The following LIPA variants were observed in gnomAD, a reference collection of about 807,000 sequenced individuals.
The protein encoded by LIPA is lipase A, lysosomal acid type.
LIPA carries 26 observed loss-of-function variants against 40.6 expected under a neutral mutation model. The ratio of observed to expected loss-of-function variants is 0.64; its 90% CI spans 0.47 to 0.89. LIPA has a LOEUF of 0.89. LIPA is among the 40% of genes least tolerant of loss of function. The pLI is 0.00. For missense variants in LIPA, 455 were observed against 479.6 expected, an observed-to-expected ratio of 0.95 and a Z score of 0.48; for synonymous variants, 188 against 168.4, an observed-to-expected ratio of 1.12 and a Z score of -0.90.
At chr10:89,296,349 C>G (rs1447817266) in intron 1 of LIPA, among the ~76,000 whole-genome samples, 1 of 151,846 alleles carries the variant, frequency 6.6e-6, no homozygotes, top group East Asian at 1.9e-4. Flanking sequence ...CAAAAATCAG[C>G]TGGGCCTGGT....
Position 89,228,218 on chromosome 10 carries a change from T to C in LIPA, c.410A>G (p.Asp137Gly). ...RKHKTLSVSQ[D>G]EFWAFSYDEM... ...TATATACCTGAAAGCCCAGAATTCA[T>C]CCTGAGAAACTGAGAGTGTCTTATG... The change falls in exon 4 of 10, where the codon GAT becomes GGT. Residue 137 changes from aspartate (D) to glycine (G), a missense_variant. Asp to Gly is a moderately conservative substitution (Grantham distance 94, BLOSUM62 -1). Transcript: ENST00000336233. 6.2e-7 allele frequency: 1 copy of C among 1,614,092 alleles called. No individual in the cohort carries two copies.
At chr10:89,412,612 C>T (rs1346501731) in intron 2 of LIPA, 1 of 201,594 alleles carries the variant, frequency 5.0e-6, no homozygotes, top group African/African-American at 2.4e-5. Context: ...TGGGTCCACA[C>T]TGCCTTTATG....
chr10:89,411,299 A>C (rs1841467597), intron 2 of LIPA, among the ~76,000 whole-genome samples: 5 of 151,964 alleles, frequency 3.3e-5, no homozygotes, highest in African/African-American at 4.8e-5. Context: ...GAAAAAAAAA[A>C]CACAATGGGT....
chr10:89,324,301 G>A (rs1843587845), intron 1 of LIPA, among the ~76,000 whole-genome samples: 1 of 152,174 alleles, frequency 6.6e-6, no homozygotes, highest in South Asian at 2.1e-4. Flanking sequence ...TCAATAAAGG[G>A]TGCTGGGATA....
intron 2 of LIPA, chr10:89,383,812 G>T: frequency 2.5e-6 from 4 of 1,614,220 alleles, no homozygotes; most frequent in Non-Finnish European, 3.4e-6. Context: ...CTTTGAAAAG[G>T]CTCTGGAAGG....
intron 1 of LIPA, chr10:89,307,845 A>C: frequency 6.3e-6 from 1 of 159,172 alleles, no homozygotes; most frequent in Non-Finnish European, 1.4e-5. Flanking sequence ...TGGCGGACCA[A>C]AGTCTAAATA....
intron 2 of LIPA, chr10:89,405,018 C>A (rs1169883072): frequency 6.6e-6 from 1 of 152,050 alleles, no homozygotes; most frequent in African/African-American, 2.4e-5. Context: ...TCAACACTAT[C>A]AATAAATAGC....
Position 89,403,054 on chromosome 10 carries a change from T to A in LIPA, c.61+9737A>T, listed in dbSNP as rs148306581. The A allele has an allele frequency of 2.9e-4, 466 of 1,614,074 alleles. 1 individual carries two copies. The highest frequency in any genetic ancestry group is 3.7e-4 in the Non-Finnish European group (436 of 1,180,042). On this transcript the variant is annotated intron_variant, in intron 2 of 8. Transcript: ENST00000371837. ...TATGTCTTTCGATATGCAGCCAAGT[T>A]TTACCGAAGAAAAGGCTCTGTGGAT...
chr10:89,305,895 G>A, intron 1 of LIPA: 1 of 1,108,302 alleles, frequency 9.0e-7, no homozygotes, highest in Non-Finnish European at 1.3e-6. Context: ...CATTTTATTT[G>A]CCATGCTCCC....
At chr10:89,339,323 A>G (rs1843808345) in intron 1 of LIPA, 1 of 1,613,666 alleles carries the variant, frequency 6.2e-7, no homozygotes, top group Non-Finnish European at 8.5e-7. Context: ...ATGAATAAAG[A>G]AGCTGAAGGA....
At chr10:89,360,990 C>G (rs937140169) in intron 2 of LIPA, among the ~76,000 whole-genome samples, 5 of 152,126 alleles carry the variant, frequency 3.3e-5, no homozygotes, top group African/African-American at 1.2e-4. Context: ...TTTATATCTT[C>G]CCTCCGTGTG....
intron 1 of LIPA, among the ~76,000 whole-genome samples, chr10:89,265,475 A>G (rs1843231239): frequency 6.6e-6 from 1 of 152,254 alleles, no homozygotes; most frequent in South Asian, 2.1e-4. Context: ...CCTTTTGTGG[A>G]AAATCATTTT....
intron 1 of LIPA, among the ~76,000 whole-genome samples, chr10:89,320,196 C>T (rs1214666116): frequency 1.3e-5 from 2 of 152,042 alleles, no homozygotes; most frequent in Non-Finnish European, 1.5e-5. Context: ...CTATTCAAAA[C>T]AGTGTTGGAA....
At chr10:89,270,666 G>A (rs574522191) in intron 1 of LIPA, among the ~76,000 whole-genome samples, 1 of 152,290 alleles carries the variant, frequency 6.6e-6, no homozygotes, top group Non-Finnish European at 1.5e-5. Flanking sequence ...TAACCATAAA[G>A]GCTGCCAGCT....
intron 1 of LIPA, among the ~76,000 whole-genome samples, chr10:89,333,244 T>A (rs1843677018): frequency 6.6e-6 from 1 of 152,176 alleles, no homozygotes; most frequent in Non-Finnish European, 1.5e-5. Context: ...CAAACTGTGT[T>A]CTGCGAGTGG....
At chr10:89,329,109 C>T (rs1843625555) in intron 1 of LIPA, among the ~76,000 whole-genome samples, 1 of 152,144 alleles carries the variant, frequency 6.6e-6, no homozygotes, top group Non-Finnish European at 1.5e-5. Context: ...TCCCACCAAG[C>T]ATCTCTAGGA....
At chr10:89,231,348 C>T (rs560427961) in intron 3 of LIPA, among the ~76,000 whole-genome samples, 119 of 152,166 alleles carry the variant, frequency 7.8e-4, no homozygotes, top group Non-Finnish European at 1.2e-3. Flanking sequence ...TAGACTACTC[C>T]GGAAGGCACT....
chr10:89,391,398 T>G (rs1398880762), intron 2 of LIPA, among the ~76,000 whole-genome samples: 3 of 149,890 alleles, frequency 2.0e-5, no homozygotes, highest in Non-Finnish European at 3.0e-5. Flanking sequence ...AGTTTTTTTG[T>G]AGAGTTGGGG....
At chr10:89,250,615 A>G (rs1475088412) in intron 1 of LIPA, among the ~76,000 whole-genome samples, 1 of 152,218 alleles carries the variant, frequency 6.6e-6, no homozygotes, top group Non-Finnish European at 1.5e-5. Context: ...AATTACCACA[A>G]TTGAAAACAG....
Sources: gnomAD v4.1 joint callset for allele counts (sites outside exome capture counted in the v4.1 genomes callset) on GRCh38, gnomAD v4.1.1 for gene constraint, MANE v1.5 for transcripts, NCBI Gene and HGNC (gene_info 2026-07-23, HGNC 2026-07-21) for gene names.